Variants in CREBRF observed in about 807,000 individuals in gnomAD.
CREBRF encodes CREB3 regulatory factor.
CREBRF carries 5 observed loss-of-function variants against 66.1 expected under a neutral mutation model. That is an observed-to-expected ratio of 0.08 (90% confidence interval 0.04 to 0.16). The LOEUF (loss-of-function observed/expected upper bound fraction) is 0.16. Ranked by LOEUF, CREBRF falls within the 10% of genes least tolerant of loss-of-function variation. The pLI, the probability that CREBRF is intolerant of heterozygous loss-of-function variation, is 1.00. For synonymous variants in CREBRF, 229 were observed against 264.4 expected, an observed-to-expected ratio of 0.87 and a Z score of 1.30; for missense variants, 531 against 744.9, an observed-to-expected ratio of 0.71 and a Z score of 3.34.
In CREBRF at chr5:173,136,717, G is replaced by C. The variant is rs1759594040; in HGVS notation, c.*2972G>C. ...TGTATCACACAAACCAATCTTATAAGGGTAATGTAAAAACCCCAACAATTG... is the reference window on the plus strand; with the variant it reads ...TGTATCACACAAACCAATCTTATAACGGTAATGTAAAAACCCCAACAATTG... On this transcript the variant is annotated 3_prime_UTR_variant, in exon 9 of 9. Coordinates refer to ENST00000296953, the MANE Select transcript of CREBRF (RefSeq NM_153607.3). 1 of 152,384 alleles carries C rather than the reference G, an allele frequency of 6.6e-6. No homozygotes were observed. The highest frequency in any genetic ancestry group is 2.1e-4 in the South Asian group (1 of 4,826). 9.4% of individuals were successfully genotyped at this position (152,384 alleles called of 1,614,324 possible). A position where few individuals can be genotyped will look rare whatever the true frequency, so the allele number is the denominator to read the frequency against.
chr5:173,122,651 A>G (rs1399987896), intron 7 of CREBRF, among the ~76,000 whole-genome samples: 1 of 145,132 alleles, frequency 6.9e-6, no homozygotes, highest in Non-Finnish European at 1.5e-5. Flanking sequence ...ACAATGTGCC[A>G]GTTAGTTACA....
chr5:173,080,809 A>G, intron 2 of CREBRF, 25 bp downstream of exon 2: 1 of 1,610,022 alleles, frequency 6.2e-7, no homozygotes, highest in Non-Finnish European at 8.5e-7. Flanking sequence ...GTAGGTGCAA[A>G]GTTTTTTATT....
At chr5:173,066,146 T>C (rs901922410) in intron 1 of CREBRF, among the ~76,000 whole-genome samples, 9 of 152,202 alleles carry the variant, frequency 5.9e-5, no homozygotes, top group South Asian at 2.1e-4. Context: ...AATAAATTCT[T>C]GCGCACTATC....
rs557511299 is a variant in CREBRF, at chr5:173,087,954, G to A, written c.135+1328G>A. 1.1e-4 allele frequency among the ~76,000 whole-genome samples: 17 copies of A among 151,794 alleles called. No individual in the cohort carries two copies. The South Asian group carries it at 3.3e-3, about 30-fold the overall frequency. ...TTCTCCTGCCTCAGCCTCCCGAGTA[G>A]CTGGGATTACAGGCATGCACCACCA... On this transcript the variant is annotated intron_variant, in intron 3 of 8. Transcript: ENST00000296953.
At chr5:173,060,361 G>C (rs1757233439) in intron 1 of CREBRF, 1 of 151,692 alleles carries the variant, frequency 6.6e-6, no homozygotes, top group Admixed American at 6.6e-5. Context: ...CTCCCGAGTA[G>C]CTAGGATTAC....
At chr5:173,116,787 C>A (rs1383270031) in intron 7 of CREBRF, among the ~76,000 whole-genome samples, 2 of 152,184 alleles carry the variant, frequency 1.3e-5, no homozygotes, top group African/African-American at 2.4e-5. Context: ...ATATTTACTT[C>A]TATAAGAAAC....
At chr5:173,105,219 GTA>G (rs769948019) in intron 4 of CREBRF, among the ~76,000 whole-genome samples, 108 of 139,706 alleles carry the variant, frequency 7.7e-4, no homozygotes, top group African/African-American at 2.6e-3. Flanking sequence ...TGGTATGTGT[GTA>G]TATATGTGTG....
At chr5:173,086,436 C>A in intron 2 of CREBRF, 65 bp from the exon 3 acceptor site, 1 of 1,474,544 alleles carries the variant, frequency 6.8e-7, no homozygotes, top group Non-Finnish European at 9.4e-7. Flanking sequence ...GGTTGGGGCT[C>A]ATATGTGATA....
intron 2 of CREBRF, chr5:173,085,379 C>G (rs1758113303): frequency 2.4e-6 from 3 of 1,246,248 alleles, no homozygotes; most frequent in Non-Finnish European, 3.4e-6. Flanking sequence ...CCTGGAGGCT[C>G]CAGGGCAGCC....
intron 7 of CREBRF, 71 bp from the exon 8 acceptor site, chr5:173,123,009 G>C: frequency 7.1e-7 from 1 of 1,398,910 alleles, no homozygotes; most frequent in Non-Finnish European, 9.7e-7. Flanking sequence ...TTAATTATCT[G>C]TTATTACATA....
In CREBRF at chr5:173,123,061, G is replaced by A; in HGVS notation, c.1682-19G>A. 6.4e-7 allele frequency: 1 copy of A among 1,568,662 alleles called. No homozygotes were observed. Among genetic ancestry groups the A allele is most frequent in the Admixed American group, 2.2e-5 (1 of 45,866 alleles). On this transcript the variant is annotated intron_variant, in intron 7 of 8. Coordinates refer to ENST00000296953, the MANE Select transcript of CREBRF (RefSeq NM_153607.3). ...TTCATGGTAGTGACATATTCCAAGT[G>A]TTTTGTTCTGTCTTACAGATAATTT...
intron 4 of CREBRF, among the ~76,000 whole-genome samples, chr5:173,101,230 T>G (rs1232214862): frequency 2.2e-4 from 4 of 18,382 alleles, no homozygotes; most frequent in South Asian, 2.7e-3. Flanking sequence ...AATTTTTGTA[T>G]TTTTTTTGTA....
intron 7 of CREBRF, among the ~76,000 whole-genome samples, chr5:173,121,547 C>T (rs1759140276): frequency 6.6e-6 from 1 of 152,072 alleles, no homozygotes. Flanking sequence ...TGGTCTCTAT[C>T]TCCTGACCCC....
intron 8 of CREBRF, among the ~76,000 whole-genome samples, chr5:173,127,839 G>A (rs1759311314): frequency 6.6e-6 from 1 of 152,150 alleles, no homozygotes; most frequent in South Asian, 2.1e-4. Flanking sequence ...ACGTATTCCT[G>A]AAAAATTACT....
chr5:173,120,669 C>T (rs568693198), intron 7 of CREBRF, among the ~76,000 whole-genome samples: 1 of 145,716 alleles, frequency 6.9e-6, no homozygotes, highest in South Asian at 2.2e-4. Context: ...ATGTGAGCCA[C>T]CGTGCCTGAG....
rs996393068 is a variant in CREBRF, at chr5:173,119,614, T to C, written c.1682-3466T>C. ...GTTTTATTTATTCCTTTCTGATCTT[T>C]ATGGCTTTTGTTTTTCTGCCTTATC... On this transcript the variant is annotated intron_variant, in intron 7 of 8. Coordinates refer to ENST00000296953, the MANE Select transcript of CREBRF (RefSeq NM_153607.3). Among the ~76,000 whole-genome samples, 8 of 152,314 alleles carry C rather than the reference T, an allele frequency of 5.3e-5. No individual in the cohort carries two copies. In the East Asian group the frequency reaches 1.3e-3, roughly 26 times the overall value.
chr5:173,100,086 G>GTT (rs202116379), intron 4 of CREBRF, among the ~76,000 whole-genome samples: 2 of 110,470 alleles, frequency 1.8e-5, no homozygotes, highest in African/African-American at 3.6e-5. Context: ...TTTTGTGTGT[G>GTT]TGTGTGTGTG....
In CREBRF at chr5:173,090,429, T is replaced by G. The variant is rs1581680194; in HGVS notation, c.250T>G (p.Leu84Val). 1 of 1,614,016 alleles carries G rather than the reference T, an allele frequency of 6.2e-7. No individual in the cohort carries two copies. The highest frequency in any genetic ancestry group is 8.5e-7 in the Non-Finnish European group (1 of 1,179,916). Residue 84 changes from leucine to valine, a missense_variant, in exon 4 of 9, where the codon TTA becomes GTA. This residue lies in a region of CREBRF where 133 missense variants were observed against 215.6 expected (regional missense o/e 0.62). Transcript: ENST00000296953. This position sits in a 1 kb window ranked among gnomAD's most constrained non-coding sequence, Gnocchi z 4.5. ...FTDVLDNEGA[L>V]TSNWEQWDTY... ...AGATGTCCTGGATAATGAGGGTGCT[T>G]TAACCTCAAACTGGGAACAGTGGGA...
intron 1 of CREBRF, among the ~76,000 whole-genome samples, chr5:173,071,273 A>G (rs898986801): frequency 5.3e-5 from 8 of 152,244 alleles, no homozygotes; most frequent in African/African-American, 1.9e-4. Flanking sequence ...GTGCAGCGCC[A>G]TGATCTCGCA....
Sources: allele counts gnomAD v4.1 joint callset (sites outside exome capture counted in the v4.1 genomes callset), GRCh38; gene constraint gnomAD v4.1.1; regional missense constraint gnomAD v4.1.1; non-coding constraint Gnocchi (gnomAD v3.1); transcripts MANE v1.5; gene names NCBI Gene and HGNC (gene_info 2026-07-23, HGNC 2026-07-21).